The following SLC24A2 variants were observed in gnomAD, a reference collection of about 807,000 sequenced individuals.
SLC24A2 encodes the protein solute carrier family 24 member 2, also known as sodium/potassium/calcium exchanger 2.
Under a neutral mutation model 62.0 loss-of-function variants are expected in SLC24A2, and 36 were observed. The ratio of observed to expected loss-of-function variants is 0.58; its 90% confidence interval spans 0.44 to 0.77. SLC24A2 has a LOEUF of 0.77. SLC24A2 is among the 30% of genes least tolerant of loss of function. SLC24A2 has a pLI of 0.00. For synonymous variants in SLC24A2, 358 were observed against 294.0 expected, an observed-to-expected ratio of 1.22 and a Z score of -2.23; for missense variants, 846 against 817.9, an observed-to-expected ratio of 1.03 and a Z score of -0.42.
chr9:20,142,456 T>G, the SLC24A2 span, among the ~76,000 whole-genome samples: 4 of 145,632 alleles, frequency 2.7e-5, no homozygotes, highest in Non-Finnish European at 5.9e-5. Context: ...AATATTTTTG[T>G]TTTTTAAAAA....
the SLC24A2 span, among the ~76,000 whole-genome samples, chr9:19,984,567 G>A: frequency 6.6e-6 from 1 of 152,124 alleles, no homozygotes; most frequent in Non-Finnish European, 1.5e-5. Context: ...TTAACCAGGT[G>A]TGTTGGTACA....
chr9:20,131,109 G>A, the SLC24A2 span, among the ~76,000 whole-genome samples: 1 of 151,264 alleles, frequency 6.6e-6, no homozygotes, highest in Non-Finnish European at 1.5e-5. Context: ...GTTTATAAAA[G>A]GGGGTCCAGC....
At chr9:20,170,891 A>C in the SLC24A2 span, among the ~76,000 whole-genome samples, 1 of 152,062 alleles carries the variant, frequency 6.6e-6, no homozygotes. Flanking sequence ...ATGCACAAAA[A>C]GGTTACTGCC....
the SLC24A2 span, among the ~76,000 whole-genome samples, chr9:19,950,213 CTTATAGGG>C: frequency 6.6e-6 from 1 of 151,960 alleles, no homozygotes; most frequent in Admixed American, 6.5e-5. Context: ...TAATATCTTC[CTTATAGGG>C]TTGTTGTAAG....
the SLC24A2 span, among the ~76,000 whole-genome samples, chr9:19,987,840 A>C: frequency 2.6e-5 from 4 of 152,148 alleles, no homozygotes; most frequent in Non-Finnish European, 5.9e-5. Flanking sequence ...CCTTACATAG[A>C]GGAAACATTT....
the SLC24A2 span, among the ~76,000 whole-genome samples, chr9:20,269,933 A>C: frequency 6.6e-6 from 1 of 152,338 alleles, no homozygotes; most frequent in African/African-American, 2.4e-5. Context: ...TTTAGCTCAC[A>C]GTTCTGCAGG....
the SLC24A2 span, among the ~76,000 whole-genome samples, chr9:20,185,731 G>A: frequency 1.3e-5 from 2 of 151,582 alleles, no homozygotes; most frequent in African/African-American, 2.4e-5. Flanking sequence ...ATCTACTGAA[G>A]GCGGTCCTGA....
intron 2 of SLC24A2, among the ~76,000 whole-genome samples, chr9:19,666,652 C>G (rs1247917368): frequency 1.3e-5 from 2 of 152,160 alleles, no homozygotes; most frequent in Non-Finnish European, 2.9e-5. Context: ...TTTCCAATAA[C>G]TCATGGGAAC....
the SLC24A2 span, among the ~76,000 whole-genome samples, chr9:20,294,850 T>C: frequency 1.3e-5 from 2 of 152,088 alleles, no homozygotes; most frequent in African/African-American, 2.4e-5. Context: ...AAAGGTCATG[T>C]TCCTACAAGC....
chr9:19,603,059 A>G (rs536822974), intron 4 of SLC24A2, among the ~76,000 whole-genome samples: 2 of 152,334 alleles, frequency 1.3e-5, no homozygotes, highest in East Asian at 3.9e-4. Context: ...ATAGCAAAGA[A>G]CATAGAATAT....
At chr9:19,997,695 G>A in the SLC24A2 span, among the ~76,000 whole-genome samples, 1 of 152,184 alleles carries the variant, frequency 6.6e-6, no homozygotes, top group African/African-American at 2.4e-5. Context: ...CTAGGAGTGA[G>A]CAAGACAAAC....
the SLC24A2 span, among the ~76,000 whole-genome samples, chr9:20,114,003 G>T: frequency 2.0e-5 from 3 of 152,198 alleles, no homozygotes; most frequent in Admixed American, 1.3e-4. Flanking sequence ...CCTGGAAAGT[G>T]ATTCCAGACC....
chr9:19,882,664 T>TAA, the SLC24A2 span, among the ~76,000 whole-genome samples: 699 of 140,920 alleles, frequency 5.0e-3, 5 homozygotes, highest in Non-Finnish European at 6.3e-3. Context: ...ATCTACAGGT[T>TAA]AAAAAAAAAA....
At chr9:19,994,236 T>A in the SLC24A2 span, among the ~76,000 whole-genome samples, 4 of 152,290 alleles carry the variant, frequency 2.6e-5, no homozygotes, top group Non-Finnish European at 5.9e-5. Flanking sequence ...AGCTGTCCTC[T>A]GCTGCCAATT....
At chr9:19,822,469 C>T in the SLC24A2 span, among the ~76,000 whole-genome samples, 11 of 152,140 alleles carry the variant, frequency 7.2e-5, no homozygotes, top group Admixed American at 7.2e-4. Context: ...GCTGGTCTTA[C>T]TCTCCCCACC....
At chr9:19,573,205 A>G in intron 7 of SLC24A2, 146 bp downstream of exon 7, 1 of 623,970 alleles carries the variant, frequency 1.6e-6, no homozygotes, top group Non-Finnish European at 2.9e-6. Flanking sequence ...TGGCACTGGG[A>G]AATACACACA....
chr9:20,017,505 T>C, the SLC24A2 span, among the ~76,000 whole-genome samples: 1 of 152,148 alleles, frequency 6.6e-6, no homozygotes, highest in Non-Finnish European at 1.5e-5. Context: ...ACTAATAGGA[T>C]AGATGTACAT....
At chr9:19,790,841 C>A (rs554157238), upstream of SLC24A2, among the ~76,000 whole-genome samples, 2 of 152,074 alleles carry the variant, frequency 1.3e-5, no homozygotes, top group South Asian at 4.1e-4. Flanking sequence ...ACATGGGGTG[C>A]GGAGGGGAAT....
chr9:20,049,143 A>G, the SLC24A2 span, among the ~76,000 whole-genome samples: 4 of 152,156 alleles, frequency 2.6e-5, no homozygotes, highest in Non-Finnish European at 4.4e-5. Context: ...GCAACAGACA[A>G]GATATTAAGA....
Sources: gnomAD v4.1 joint callset for allele counts (sites outside exome capture counted in the v4.1 genomes callset) on GRCh38, gnomAD v4.1.1 for gene constraint, MANE v1.5 for transcripts, NCBI Gene and HGNC (gene_info 2026-07-23, HGNC 2026-07-21) for gene names.